Variants in TRPM6 observed in about 807,000 individuals in gnomAD.
TRPM6 encodes the protein channel kinase 2.
In TRPM6, 111 loss-of-function variants were observed where a neutral mutation model predicts 247.6. The ratio of observed to expected loss-of-function variants is 0.45; its 90% confidence interval spans 0.38 to 0.52. The LOEUF (loss-of-function observed/expected upper bound fraction) is 0.52, where lower values mean the gene tolerates loss of function less well. TRPM6 is among the 20% of genes least tolerant of loss of function. The pLI, the probability that TRPM6 is intolerant of heterozygous loss-of-function variation, is 0.00. For synonymous variants in TRPM6, 892 were observed against 853.8 expected (o/e 1.04, Z -0.78); for missense variants, 2,126 against 2,421.5 (o/e 0.88, Z 2.56).
Position 74,775,302 on chromosome 9 carries a change from G to A in TRPM6, c.3403+581C>T, listed in dbSNP as rs12000245. 3.1e-3 allele frequency among the ~76,000 whole-genome samples: 469 copies of A among 152,234 alleles called. 4 individuals carry two copies. Among genetic ancestry groups the A allele is most frequent in the African/African-American group, 0.011 (453 of 41,548 alleles). ...ACTTCTGAGCTCAAGCAATTCTTGT[G>A]CCTCAACCTCCTGAGTAGCTAGGAC... is the stretch of plus-strand genomic sequence containing the variant. On this transcript the variant is annotated intron_variant, in intron 24 of 38. Coordinates refer to ENST00000360774, the MANE Select transcript of TRPM6 (RefSeq NM_017662.5).
chr9:74,733,198 T>C (rs1364619554), intron 36 of TRPM6, among the ~76,000 whole-genome samples: 3 of 149,836 alleles, frequency 2.0e-5, no homozygotes, highest in African/African-American at 7.4e-5. Flanking sequence ...CTTAACTCTA[T>C]CTCAAAGAAA....
intron 1 of TRPM6, among the ~76,000 whole-genome samples, chr9:74,859,304 T>C (rs926926717): frequency 9.2e-5 from 14 of 152,164 alleles, no homozygotes; most frequent in African/African-American, 3.4e-4. Flanking sequence ...GAGATGTTGA[T>C]ACTCACTCTT....
At chr9:74,771,529 G>A (rs1827041089) in intron 25 of TRPM6, among the ~76,000 whole-genome samples, 174 bp downstream of exon 25, 1 of 152,176 alleles carries the variant, frequency 6.6e-6, no homozygotes, top group South Asian at 2.1e-4. Flanking sequence ...CTGGAATATA[G>A]TAGATGCTTA....
In TRPM6 at chr9:74,723,038, G is replaced by A. The variant is rs1189033089; in HGVS notation, c.*1575C>T. 1 of 152,166 alleles carries A rather than the reference G, an allele frequency of 6.6e-6. No individual in the cohort carries two copies. Among genetic ancestry groups the A allele is most frequent in the Non-Finnish European group, 1.5e-5 (1 of 68,022 alleles). The allele number at this position is 152,166 out of a possible 1,614,324, so 9.4% of individuals were successfully genotyped here. Reference sequence around the variant, plus strand: ...TTATAATAAGAAAGGAGATGCAATAGGATGGGGAGAGGACTCCCAGCCCCA... The same window carrying A: ...TTATAATAAGAAAGGAGATGCAATAAGATGGGGAGAGGACTCCCAGCCCCA... On this transcript the variant is annotated 3_prime_UTR_variant, in exon 39 of 39. Coordinates refer to ENST00000360774, the MANE Select transcript of TRPM6 (RefSeq NM_017662.5).
At chr9:74,745,460 T>C (rs543608351) in intron 31 of TRPM6, among the ~76,000 whole-genome samples, 43 of 149,076 alleles carry the variant, frequency 2.9e-4, no homozygotes, top group Admixed American at 6.0e-4. Flanking sequence ...TGTGTGTGTG[T>C]GCGTGTGTGT....
intron 27 of TRPM6, among the ~76,000 whole-genome samples, chr9:74,756,681 CAAAAAAAAA>C (rs1217543421): frequency 3.9e-5 from 2 of 51,774 alleles, no homozygotes; most frequent in East Asian, 5.3e-4. Context: ...CCCGTCTCTA[CAAAAAAAAA>C]AAAAAAAAAA....
At position 74,771,568 on chromosome 9, in the gene TRPM6, A is replaced by T. The variant is rs186629252; in HGVS notation, c.3536+135T>A. On this transcript the variant is annotated intron_variant, in intron 25 of 38. Coordinates refer to ENST00000360774, the MANE Select transcript of TRPM6 (RefSeq NM_017662.5). ...AATATACTTTGATTACATGAATATT[A>T]TATGTTGTTAAATGTTTCAAATTAT... 2.5e-4 allele frequency: 196 copies of T among 798,670 alleles called. 2 individuals carry two copies. In the African/African-American group the frequency reaches 2.6e-3, roughly 11 times the overall value. 49.5% of individuals were successfully genotyped at this position (798,670 alleles called of 1,614,324 possible).
chr9:74,759,924 A>C (rs1217278645), intron 27 of TRPM6, among the ~76,000 whole-genome samples: 3 of 152,154 alleles, frequency 2.0e-5, no homozygotes, highest in Non-Finnish European at 4.4e-5. Flanking sequence ...ATAAGACAAC[A>C]ACCCAATTTT....
intron 17 of TRPM6, among the ~76,000 whole-genome samples, chr9:74,799,605 CTATT>C (rs1272072073): frequency 3.3e-5 from 5 of 151,242 alleles, no homozygotes; most frequent in African/African-American, 1.2e-4. Context: ...GTTATTAATT[CTATT>C]TAGTTTATTA....
intron 1 of TRPM6, among the ~76,000 whole-genome samples, chr9:74,879,920 G>T (rs1203264563): frequency 6.6e-6 from 1 of 152,174 alleles, no homozygotes; most frequent in Non-Finnish European, 1.5e-5. Context: ...TCAGTTAGAA[G>T]TTCCATCTGA....
intron 27 of TRPM6, among the ~76,000 whole-genome samples, chr9:74,758,062 A>C (rs1420838085): frequency 6.6e-5 from 10 of 152,228 alleles, no homozygotes. Context: ...AAATGAATAA[A>C]TTCTTTGACA....
At chr9:74,786,605 TTGCGGG>T (rs1195805668) in intron 20 of TRPM6, among the ~76,000 whole-genome samples, 1 of 151,796 alleles carries the variant, frequency 6.6e-6, no homozygotes, top group Non-Finnish European at 1.5e-5. Context: ...CCGGGCGTGG[TTGCGGG>T]TGCCTGTAGT....
intron 36 of TRPM6, among the ~76,000 whole-genome samples, chr9:74,733,330 T>A (rs147992327): frequency 6.6e-6 from 1 of 152,200 alleles, no homozygotes; most frequent in African/African-American, 2.4e-5. Context: ...AAATGCACTA[T>A]AAAAATTGTT....
At position 74,786,038 on chromosome 9, in the gene TRPM6, C is replaced by T; in HGVS notation, c.2755G>A (p.Gly919Ser). Residue 919 changes from glycine to serine, a missense_variant, in exon 21 of 39, where the codon GGC (glycine) becomes AGC (serine). Gly to Ser is a moderately conservative substitution (Grantham distance 56, BLOSUM62 0). Around this residue, in one of 3 missense-constraint regions of TRPM6, gnomAD observed 1,082 missense variants for 1,307.9 expected, o/e 0.83. Coordinates refer to ENST00000360774, the MANE Select transcript of TRPM6 (RefSeq NM_017662.5). ...YWNLTETVAI[G>S]LFSAGFVLRW... is the part of the protein sequence containing the mutation. The stretch of plus-strand genomic sequence containing the variant: ...AGGACGAAGCCAGCTGAAAACAGGC[C>T]AATGGCCACAGTTTCTGTTAAGTTC... 4 of 1,614,190 alleles carry T rather than the reference C, an allele frequency of 2.5e-6. No homozygotes were observed. The highest frequency in any genetic ancestry group is 3.4e-6 in the Non-Finnish European group (4 of 1,180,032).
chr9:74,724,737 C>T lies in TRPM6; in HGVS notation c.5945G>A (p.Arg1982Lys), dbSNP rs763961048. Residue 1982 changes from arginine (R) to lysine (K), a missense_variant, in exon 39 of 39, where the codon AGA (arginine) becomes AAA (lysine). Arg to Lys is a conservative substitution (Grantham distance 26). Coordinates refer to ENST00000360774, the MANE Select transcript of TRPM6 (RefSeq NM_017662.5). ...CRKLKLPDLK[R>K]NDYSPERINS... ...TATCCTTTCAGGGGAATAGTCATTT[C>T]TTTTTAAATCTGCAAGGAGGACAAG... 6.2e-7 allele frequency: 1 copy of T among 1,614,066 alleles called. No individual in the cohort carries two copies. Among genetic ancestry groups the T allele is most frequent in the South Asian group, 1.1e-5 (1 of 91,090 alleles).
intron 32 of TRPM6, 152 bp downstream of exon 32, chr9:74,743,943 G>A (rs574997798): frequency 1.3e-6 from 1 of 792,402 alleles, no homozygotes; most frequent in South Asian, 1.7e-5. Flanking sequence ...GGCAAAGTTA[G>A]AAATTGGAAT....
At chr9:74,763,921 G>A (rs1826739491) in intron 25 of TRPM6, among the ~76,000 whole-genome samples, 1 of 152,120 alleles carries the variant, frequency 6.6e-6, no homozygotes, top group Non-Finnish European at 1.5e-5. Flanking sequence ...GTGGGAGGCA[G>A]GTGGATCACT....
At position 74,857,368 on chromosome 9, in the gene TRPM6, A is replaced by C. The variant is rs1298331185; in HGVS notation, c.113+1301T>G. Among the ~76,000 whole-genome samples the C allele has an allele frequency of 2.6e-5, 4 of 152,218 alleles. No individual in the cohort carries two copies. The East Asian group carries it at 7.7e-4, about 29-fold the overall frequency. ...TTCATAACACATAGTTATGAGTTCT[A>C]AACCTTAAAGGCATATAAGGACAAA... On this transcript the variant is annotated intron_variant, in intron 2 of 38. Transcript: ENST00000360774.
intron 18 of TRPM6, among the ~76,000 whole-genome samples, chr9:74,795,219 C>T (rs760788272): frequency 2.4e-4 from 37 of 152,246 alleles, no homozygotes; most frequent in Middle Eastern, 6.8e-3. Flanking sequence ...TGGATGGCTA[C>T]CCTGGCCTAC....
Sources: allele counts gnomAD v4.1 joint callset (sites outside exome capture counted in the v4.1 genomes callset), GRCh38; gene constraint gnomAD v4.1.1; regional missense constraint gnomAD v4.1.1; transcripts MANE v1.5; gene names NCBI Gene and HGNC (gene_info 2026-07-23, HGNC 2026-07-21).